Variants in RNF217 observed in about 807,000 individuals in gnomAD.
RNF217 encodes the protein E3 ubiquitin-protein ligase RNF217.
In RNF217, 31 loss-of-function variants were observed where a neutral mutation model predicts 57.8. The ratio of observed to expected loss-of-function variants is 0.54; its 90% CI spans 0.40 to 0.72. RNF217 has a LOEUF of 0.72. RNF217 is among the 30% of genes least tolerant of loss of function. The pLI is 0.00. For missense variants in RNF217, 696 were observed against 708.3 expected, an observed-to-expected ratio of 0.98 and a Z score of 0.20; for synonymous variants, 313 against 294.0, an observed-to-expected ratio of 1.06 and a Z score of -0.66.
intron 1 of RNF217, among the ~76,000 whole-genome samples, chr6:124,964,261 G>A (rs949449693): frequency 6.6e-6 from 1 of 152,134 alleles, no homozygotes; most frequent in South Asian, 2.1e-4. Flanking sequence ...GTGTCCAATT[G>A]TCCTAGGCCT....
chr6:125,072,066 A>G (rs1172455960), intron 3 of RNF217, among the ~76,000 whole-genome samples: 2 of 152,210 alleles, frequency 1.3e-5, no homozygotes, highest in Non-Finnish European at 2.9e-5. Flanking sequence ...AACAAAGATG[A>G]CACTGTTAAA....
At chr6:124,969,059 A>G (rs1384423357) in intron 1 of RNF217, among the ~76,000 whole-genome samples, 1 of 152,214 alleles carries the variant, frequency 6.6e-6, no homozygotes, top group African/African-American at 2.4e-5. Flanking sequence ...TAAAAAAGTT[A>G]CTAGACAGCT....
rs568163781 is a variant in RNF217 at position 125,074,114 on chromosome 6, C to T, written c.1282-2543C>T. ...ACATTTCACCTCCCAGTTCACCTAACGATTTTGAATACATAAAGTCCTGCC... is the reference window on the plus strand; with the variant it reads ...ACATTTCACCTCCCAGTTCACCTAATGATTTTGAATACATAAAGTCCTGCC... On this transcript the variant is annotated intron_variant, in intron 3 of 5. Coordinates refer to ENST00000521654, the MANE Select transcript of RNF217 (RefSeq NM_001286398.3). 2.0e-5 allele frequency among the ~76,000 whole-genome samples: 3 copies of T among 152,224 alleles called. No homozygotes were observed. In the East Asian group the frequency reaches 5.8e-4, roughly 29 times the overall value.
chr6:124,968,904 T>C (rs1383090516), intron 1 of RNF217, among the ~76,000 whole-genome samples: 1 of 152,238 alleles, frequency 6.6e-6, no homozygotes, highest in African/African-American at 2.4e-5. Flanking sequence ...TATTTGTGCA[T>C]TTAACAAACA....
intron 2 of RNF217, among the ~76,000 whole-genome samples, chr6:125,045,915 A>G (rs540681546): frequency 1.3e-5 from 2 of 152,188 alleles, no homozygotes; most frequent in South Asian, 2.1e-4. Flanking sequence ...TTTGGGGGCT[A>G]TAGAGCAAAT....
Position 124,962,796 on chromosome 6 carries a change from G to T in RNF217, c.252G>T (p.Pro84=), listed in dbSNP as rs1783338505. The change falls in exon 1 of 6, where the codon CCG becomes CCT. Residue 84 remains proline (P), a synonymous_variant. Coordinates refer to ENST00000521654, the MANE Select transcript of RNF217 (RefSeq NM_001286398.3). The surrounding 1 kb of genome is among the most constrained non-coding windows in gnomAD (Gnocchi z 4.6). ...GPPGWSKSRA[P]AQPAGLALTG... ...CGGGCTGGAGTAAGAGCCGAGCACC[G>T]GCGCAGCCTGCGGGACTGGCACTCA... 1.3e-6 allele frequency: 2 copies of T among 1,597,334 alleles called. No individual in the cohort carries two copies. The highest frequency in any genetic ancestry group is 2.2e-5 in the East Asian group (1 of 44,802).
rs1196656502 is a variant in RNF217, at chr6:124,963,127, T to G, written c.583T>G (p.Leu195Val). The G allele has an allele frequency of 1.3e-6, 2 of 1,535,312 alleles. No homozygotes were observed. The highest frequency in any genetic ancestry group is 2.7e-5 in the African/African-American group (2 of 73,050). Residue 195 changes from leucine (L) to valine (V), a missense_variant, in exon 1 of 6, where the codon TTG (leucine) becomes GTG (valine). Transcript: ENST00000521654. ...GTCGCCACCTGGGGCTCCGCCAGTG[T>G]TGAACCCTCCCAGCACCCGCTCTTC... ...PASPPGAPPV[L>V]NPPSTRSSFP... is the part of the protein sequence containing the mutation.
At chr6:125,066,010 T>A (rs1438683749) in intron 3 of RNF217, among the ~76,000 whole-genome samples, 1 of 152,196 alleles carries the variant, frequency 6.6e-6, no homozygotes, top group Non-Finnish European at 1.5e-5. Flanking sequence ...TTCCAGCTGC[T>A]CAGGCCAAGA....
intron 1 of RNF217, among the ~76,000 whole-genome samples, chr6:125,023,809 G>T (rs1352588490): frequency 6.6e-6 from 1 of 152,176 alleles, no homozygotes; most frequent in Non-Finnish European, 1.5e-5. Flanking sequence ...CGTTGAGTAG[G>T]ATAGACCAGG....
chr6:125,032,128 C>T (rs1338776470), intron 1 of RNF217, among the ~76,000 whole-genome samples: 5 of 152,042 alleles, frequency 3.3e-5, no homozygotes, highest in Non-Finnish European at 7.4e-5. Flanking sequence ...CCCCCTGGGT[C>T]CCTCCCACAA....
chr6:125,010,107 T>C (rs1024246385), intron 1 of RNF217, among the ~76,000 whole-genome samples: 5 of 151,878 alleles, frequency 3.3e-5, no homozygotes, highest in East Asian at 1.9e-4. Flanking sequence ...GTGTACTGCC[T>C]GTTCTCTGCA....
At chr6:124,984,493 G>A (rs1784297901) in intron 1 of RNF217, among the ~76,000 whole-genome samples, 1 of 149,542 alleles carries the variant, frequency 6.7e-6, no homozygotes, top group Non-Finnish European at 1.5e-5. Flanking sequence ...AGGCTGCAGT[G>A]CGTTGTGATC....
chr6:125,062,737 C>T (rs1412672187), intron 3 of RNF217, among the ~76,000 whole-genome samples: 4 of 151,942 alleles, frequency 2.6e-5, no homozygotes, highest in South Asian at 2.1e-4. Context: ...CCACCATGCC[C>T]GGCTAATTTT....
At chr6:124,984,541 CAA>C (rs750251821) in intron 1 of RNF217, among the ~76,000 whole-genome samples, 128 of 74,196 alleles carry the variant, frequency 1.7e-3, no homozygotes, top group Non-Finnish European at 2.6e-3. Flanking sequence ...GACCCTTTCT[CAA>C]AAAAAAAAAA....
intron 3 of RNF217, 32 bp downstream of exon 3, chr6:125,058,138 C>A: frequency 6.3e-7 from 1 of 1,583,512 alleles, no homozygotes; most frequent in Non-Finnish European, 8.6e-7. Context: ...AAAGAAAAAA[C>A]ATGTACATCT....
At chr6:125,076,191 G>A (rs1788360568) in intron 3 of RNF217, among the ~76,000 whole-genome samples, 1 of 152,090 alleles carries the variant, frequency 6.6e-6, no homozygotes, top group Non-Finnish European at 1.5e-5. Context: ...CTTCAACAAA[G>A]AGACCTCTGC....
intron 1 of RNF217, chr6:125,009,451 C>G: frequency 2.1e-6 from 1 of 486,332 alleles, no homozygotes; most frequent in East Asian, 3.0e-5. Flanking sequence ...CCATCTCTTT[C>G]TAGAAAGAAT....
At chr6:125,009,306 C>T in intron 1 of RNF217, 1 of 1,503,790 alleles carries the variant, frequency 6.6e-7, no homozygotes, top group Non-Finnish European at 9.3e-7. Flanking sequence ...ATGAAGAAGC[C>T]ACATTTATTT....
Position 125,083,890 on chromosome 6 carries a change from A to G in RNF217, c.*953A>G, listed in dbSNP as rs967515587. The G allele has an allele frequency of 3.9e-5, 6 of 152,192 alleles. No individual in the cohort carries two copies. The highest frequency in any genetic ancestry group is 3.9e-4 in the Admixed American group (6 of 15,258). 9.4% of individuals were successfully genotyped at this position (152,192 alleles called of 1,614,324 possible). On this transcript the variant is annotated 3_prime_UTR_variant, in exon 6 of 6. Transcript: ENST00000521654. Reference sequence around the variant, plus strand: ...TATTCAGTCTTTTTAAAATTCTTACATTTTGGAAAACATGCTTCACTCTAT... The same window carrying G: ...TATTCAGTCTTTTTAAAATTCTTACGTTTTGGAAAACATGCTTCACTCTAT...
Sources: gnomAD v4.1 joint callset for allele counts (sites outside exome capture counted in the v4.1 genomes callset) on GRCh38, gnomAD v4.1.1 for gene constraint, Gnocchi (gnomAD v3.1) non-coding constraint, MANE v1.5 for transcripts, NCBI Gene and HGNC (gene_info 2026-07-23, HGNC 2026-07-21) for gene names.